Variants in STAG1 observed in about 807,000 individuals in gnomAD.
The protein encoded by STAG1 is STAG1 cohesin complex component.
In STAG1, 26 loss-of-function variants were observed where a neutral mutation model predicts 170.9. The ratio of observed to expected loss-of-function variants is 0.15; its 90% CI spans 0.11 to 0.21. The LOEUF (loss-of-function observed/expected upper bound fraction) is 0.21, where lower values mean the gene tolerates loss of function less well. Ranked by LOEUF, STAG1 falls within the 10% of genes least tolerant of loss-of-function variation. The pLI is 1.00. For missense variants in STAG1, 964 were observed against 1,509.5 expected (o/e 0.64, Z 5.99); for synonymous variants, 514 against 497.7 (o/e 1.03, Z -0.44).
At chr3:136,438,240 C>CTTTTTTTTTTTTTTTTTTTTTT (rs371190637) in intron 15 of STAG1, among the ~76,000 whole-genome samples, 1 of 128,210 alleles carries the variant, frequency 7.8e-6, no homozygotes, top group East Asian at 2.3e-4. Flanking sequence ...AGTTTCTTTT[C>CTTTTTTTTTTTTTTTTTTTTTT]TTTTTTTTTT....
chr3:136,345,442 A>G (rs1439643838), intron 29 of STAG1, among the ~76,000 whole-genome samples: 5 of 149,718 alleles, frequency 3.3e-5, no homozygotes, highest in African/African-American at 7.3e-5. Flanking sequence ...TCCTGATAAA[A>G]TATTACCTAG....
At chr3:136,396,520 C>CTTTTT (rs146270857) in intron 22 of STAG1, among the ~76,000 whole-genome samples, 633 of 43,664 alleles carry the variant, frequency 0.014, 133 homozygotes, top group Middle Eastern at 0.022. Context: ...CGCGCCTGGC[C>CTTTTT]TTTTTTTTTT....
chr3:136,630,676 T>C (rs1940298011), intron 2 of STAG1, among the ~76,000 whole-genome samples, 194 bp downstream of exon 2: 1 of 152,168 alleles, frequency 6.6e-6, no homozygotes, highest in African/African-American at 2.4e-5. Context: ...GAAAACATGT[T>C]GACAGTTCAA....
chr3:136,419,342 T>C (rs1056098364), intron 20 of STAG1, among the ~76,000 whole-genome samples: 4 of 152,228 alleles, frequency 2.6e-5, no homozygotes, highest in Non-Finnish European at 5.9e-5. Flanking sequence ...CAAACTCTCT[T>C]TGGACAACAA....
chr3:136,536,608 C>T lies in STAG1; in HGVS notation c.471+5511G>A, dbSNP rs546445318. The stretch of plus-strand genomic sequence containing the variant: ...CCCAGCTACTCAGGAGGCTAAGGCA[C>T]GAGAATCGCTTCAACTCGGGAGGCA... On this transcript the variant is annotated intron_variant, in intron 6 of 33. Transcript: ENST00000383202. 4.1e-5 allele frequency among the ~76,000 whole-genome samples: 6 copies of T among 148,130 alleles called. 1 individual carries two copies. The South Asian group carries it at 8.5e-4, about 21-fold the overall frequency.
chr3:136,669,001 A>T (rs1388365961), intron 1 of STAG1, among the ~76,000 whole-genome samples: 1 of 152,240 alleles, frequency 6.6e-6, no homozygotes, highest in Non-Finnish European at 1.5e-5. Flanking sequence ...TCCAAGGCAG[A>T]ATGTTCAGAC....
intron 6 of STAG1, among the ~76,000 whole-genome samples, chr3:136,528,504 C>CCG (rs1935195062): frequency 6.9e-6 from 1 of 143,890 alleles, no homozygotes; most frequent in Non-Finnish European, 1.5e-5. Flanking sequence ...ACCCCCCCCC[C>CCG]CAAAAAATCA....
intron 1 of STAG1, among the ~76,000 whole-genome samples, chr3:136,714,368 G>A (rs974594984): frequency 1.3e-5 from 2 of 152,174 alleles, no homozygotes; most frequent in Non-Finnish European, 2.9e-5. Context: ...CACCAAGGCA[G>A]GAGGATCGTT....
chr3:136,519,469 T>G (rs1295232825), intron 7 of STAG1, among the ~76,000 whole-genome samples: 1 of 152,118 alleles, frequency 6.6e-6, no homozygotes, highest in Non-Finnish European at 1.5e-5. Flanking sequence ...TGCATAAAAG[T>G]AAATTCGTTA....
At position 136,612,093 on chromosome 3, in the gene STAG1, C is replaced by T. The variant is rs181693181; in HGVS notation, c.133-7620G>A. On this transcript the variant is annotated intron_variant, in intron 3 of 33. Transcript: ENST00000383202. ...CGATCTCCTGACCTTGTGATCTGCC[C>T]GCCTCGGCCTCCCAAAGTGCTGGGA... is the stretch of plus-strand genomic sequence containing the variant. 5.9e-5 allele frequency among the ~76,000 whole-genome samples: 9 copies of T among 152,112 alleles called. No individual in the cohort carries two copies. In the East Asian group the frequency reaches 1.4e-3, roughly 23 times the overall value.
intron 6 of STAG1, among the ~76,000 whole-genome samples, chr3:136,525,103 G>C (rs1385645305): frequency 1.3e-5 from 2 of 152,194 alleles, no homozygotes; most frequent in African/African-American, 2.4e-5. Flanking sequence ...GATGATGCTG[G>C]CCTTATAAAA....
chr3:136,392,622 C>A (rs2108329859), intron 22 of STAG1, among the ~76,000 whole-genome samples: 1 of 151,980 alleles, frequency 6.6e-6, no homozygotes, highest in East Asian at 1.9e-4. Flanking sequence ...AAAAGTCAGC[C>A]AAGCGTGGTG....
chr3:136,398,420 A>C (rs2087229406), intron 22 of STAG1, among the ~76,000 whole-genome samples: 1 of 151,986 alleles, frequency 6.6e-6, no homozygotes, highest in Admixed American at 6.6e-5. Context: ...GCACGGCCTC[A>C]ATGTTATTCT....
At chr3:136,552,079 T>C (rs1235050633) in intron 5 of STAG1, among the ~76,000 whole-genome samples, 5 of 152,292 alleles carry the variant, frequency 3.3e-5, no homozygotes, top group Admixed American at 3.3e-4. Flanking sequence ...CTTTGTACAC[T>C]CTACCTAAAA....
chr3:136,473,405 G>A (rs957902479), intron 11 of STAG1, 134 bp downstream of exon 11: 77 of 621,060 alleles, frequency 1.2e-4, no homozygotes, highest in Admixed American at 4.6e-4. Context: ...GGTCCCTGGT[G>A]CCAAAAAGGT....
intron 4 of STAG1, chr3:136,591,620 C>T (rs1040053023): frequency 1.6e-5 from 5 of 312,208 alleles, no homozygotes; most frequent in Admixed American, 4.4e-5. Context: ...GTATAACAGA[C>T]AAGAAATATG....
chr3:136,411,005 A>G (rs1468113316), intron 21 of STAG1, among the ~76,000 whole-genome samples: 1 of 152,222 alleles, frequency 6.6e-6, no homozygotes, highest in Non-Finnish European at 1.5e-5. Flanking sequence ...CAGTGAGCTG[A>G]GATTGCATCA....
chr3:136,723,308 CA>C (rs1933421252), intron 1 of STAG1, among the ~76,000 whole-genome samples: 1 of 149,968 alleles, frequency 6.7e-6, no homozygotes, highest in Non-Finnish European at 1.5e-5. Flanking sequence ...CCCGGCCGCC[CA>C]TCGTCTGAGA....
intron 15 of STAG1, among the ~76,000 whole-genome samples, chr3:136,438,439 G>C (rs780276573): frequency 2.0e-5 from 3 of 151,800 alleles, no homozygotes; most frequent in East Asian, 1.9e-4. Context: ...TGGCCAGGCT[G>C]GTCTTGAACT....
Sources: allele counts gnomAD v4.1 joint callset (sites outside exome capture counted in the v4.1 genomes callset), GRCh38; gene constraint gnomAD v4.1.1; transcripts MANE v1.5; gene names NCBI Gene and HGNC (gene_info 2026-07-23, HGNC 2026-07-21).